LAMA2: variants seen among roughly 807,000 people sequenced by gnomAD.
LAMA2 encodes laminin subunit alpha 2, also known as laminin subunit alpha-2.
Under a neutral mutation model 364.8 loss-of-function variants are expected in LAMA2, and 269 were observed. That is an observed-to-expected ratio of 0.74 (90% CI 0.67 to 0.82). The LOEUF (loss-of-function observed/expected upper bound fraction) is 0.82, where lower values mean the gene tolerates loss of function less well. LAMA2 is among the 40% of genes least tolerant of loss of function. LAMA2 has a pLI of 0.00. For missense variants in LAMA2, 3,807 were observed against 3,873.2 expected, an observed-to-expected ratio of 0.98 and a Z score of 0.45; for synonymous variants, 1,379 against 1,370.6, an observed-to-expected ratio of 1.01 and a Z score of -0.14.
chr6:128,939,328 A>G (rs1780022404), intron 1 of LAMA2, among the ~76,000 whole-genome samples: 5 of 151,458 alleles, frequency 3.3e-5, no homozygotes, highest in Admixed American at 3.3e-4. Flanking sequence ...CCACAAGACC[A>G]AGAGTTTCCT....
intron 51 of LAMA2, among the ~76,000 whole-genome samples, chr6:129,471,522 A>G (rs896838388): frequency 2.0e-5 from 3 of 151,918 alleles, no homozygotes; most frequent in African/African-American, 7.2e-5. Flanking sequence ...GACACCATTA[A>G]AATACCCACC....
chr6:129,273,314 A>C (rs1372408199), intron 17 of LAMA2, among the ~76,000 whole-genome samples: 1 of 152,138 alleles, frequency 6.6e-6, no homozygotes, highest in Admixed American at 6.5e-5. Context: ...ATTGTTCACG[A>C]CTAACTTGCA....
rs749614184 is a variant in LAMA2, at chr6:129,205,478, G to GTATATA, written c.1782+12636_1782+12641dup. On this transcript the variant is annotated intron_variant, in intron 12 of 64. Coordinates refer to ENST00000421865, the MANE Select transcript of LAMA2 (RefSeq NM_000426.4). ...TCTCTTCTGGGAATTTATTCTGTAA[G>GTATATA]TATATATATATATATACACACACAC... Among the ~76,000 whole-genome samples, 265 of 116,342 alleles carry GTATATA rather than the reference G, an allele frequency of 2.3e-3. 6 individuals carry two copies. The highest frequency in any genetic ancestry group is 9.7e-3 in the African/African-American group (215 of 22,068). 76.3% of individuals were successfully genotyped at this position (116,342 alleles called of 152,430 possible).
At chr6:129,366,835 T>C (rs1290259422) in intron 33 of LAMA2, among the ~76,000 whole-genome samples, 1 of 152,216 alleles carries the variant, frequency 6.6e-6, no homozygotes, top group Non-Finnish European at 1.5e-5. Context: ...TCATTTCTCC[T>C]ACCTTACCAC....
Position 128,911,161 on chromosome 6 carries a change from A to C in LAMA2, c.112+27804A>C, listed in dbSNP as rs370518930. 7.9e-3 allele frequency among the ~76,000 whole-genome samples: 1,202 copies of C among 151,646 alleles called. 10 individuals carry two copies. Among genetic ancestry groups the C allele is most frequent in the African/African-American group, 0.018 (738 of 41,088 alleles). ...AGGCCTCCTTGAGCTGTGGTGGGCT[A>C]CACCCAGTTCGAGCTTCCCGGCTGC... On this transcript the variant is annotated intron_variant, in intron 1 of 64. Transcript: ENST00000421865.
intron 1 of LAMA2, among the ~76,000 whole-genome samples, chr6:128,890,401 T>C (rs929458309): frequency 6.6e-6 from 1 of 152,144 alleles, no homozygotes; most frequent in African/African-American, 2.4e-5. Flanking sequence ...GACTTTTATA[T>C]ATTTATCTTT....
At chr6:129,365,732 T>G (rs568705303) in intron 32 of LAMA2, among the ~76,000 whole-genome samples, 96 of 152,222 alleles carry the variant, frequency 6.3e-4, no homozygotes, top group Non-Finnish European at 1.1e-3. Flanking sequence ...ATATACTTTT[T>G]GAATGTGTAA....
intron 51 of LAMA2, among the ~76,000 whole-genome samples, chr6:129,471,336 GTC>G (rs1783799102): frequency 6.6e-6 from 1 of 151,924 alleles, no homozygotes; most frequent in African/African-American, 2.4e-5. Flanking sequence ...ATGCCATCCT[GTC>G]TCTCTGCCAG....
At chr6:128,963,737 A>G (rs1562875475) in intron 1 of LAMA2, among the ~76,000 whole-genome samples, 1 of 152,104 alleles carries the variant, frequency 6.6e-6, no homozygotes, top group Admixed American at 6.6e-5. Flanking sequence ...CAAAACGTCC[A>G]CAAATTACTA....
chr6:129,297,123 A>T (rs540064356), intron 20 of LAMA2, among the ~76,000 whole-genome samples: 1 of 152,198 alleles, frequency 6.6e-6, no homozygotes, highest in Non-Finnish European at 1.5e-5. Context: ...TTATTTGATC[A>T]GTGTAAGCAT....
chr6:129,198,445 T>C (rs1781978158), intron 12 of LAMA2, among the ~76,000 whole-genome samples: 1 of 152,128 alleles, frequency 6.6e-6, no homozygotes, highest in African/African-American at 2.4e-5. Flanking sequence ...TTGCAAGGCA[T>C]TGATCTTTGG....
intron 1 of LAMA2, among the ~76,000 whole-genome samples, chr6:128,933,566 G>T (rs565395751): frequency 6.6e-6 from 1 of 151,910 alleles, no homozygotes; most frequent in Non-Finnish European, 1.5e-5. Context: ...CTTTTTCTCT[G>T]TTTCCTCACC....
At chr6:129,448,026 G>T (rs1308606975) in intron 45 of LAMA2, among the ~76,000 whole-genome samples, 1 of 152,180 alleles carries the variant, frequency 6.6e-6, no homozygotes, top group African/African-American at 2.4e-5. Flanking sequence ...GGTGGCTCAA[G>T]CCTGTCATCC....
chr6:128,942,106 C>T (rs1780198211), intron 1 of LAMA2, among the ~76,000 whole-genome samples: 1 of 152,046 alleles, frequency 6.6e-6, no homozygotes, highest in Non-Finnish European at 1.5e-5. Flanking sequence ...ATAGTATGAC[C>T]TTCTCTTGAC....
intron 2 of LAMA2, among the ~76,000 whole-genome samples, chr6:129,050,562 G>T (rs908835392): frequency 6.6e-6 from 1 of 152,154 alleles, no homozygotes; most frequent in African/African-American, 2.4e-5. Flanking sequence ...GTAAGTAAAG[G>T]CTTGCCAGAA....
intron 1 of LAMA2, among the ~76,000 whole-genome samples, chr6:129,049,634 A>C (rs1007119804): frequency 3.3e-5 from 5 of 152,154 alleles, no homozygotes; most frequent in African/African-American, 1.2e-4. Flanking sequence ...TGTGTTTTAG[A>C]ATGTGTCCTA....
At chr6:129,231,865 T>C (rs748143226) in intron 12 of LAMA2, among the ~76,000 whole-genome samples, 14 of 152,120 alleles carry the variant, frequency 9.2e-5, no homozygotes, top group Non-Finnish European at 1.5e-4. Context: ...GAAGAAAATG[T>C]CCAGCTTCTG....
chr6:128,894,332 A>G (rs944647538), intron 1 of LAMA2, among the ~76,000 whole-genome samples: 4 of 152,156 alleles, frequency 2.6e-5, no homozygotes, highest in Non-Finnish European at 5.9e-5. Context: ...ATGACTATTG[A>G]TCTCACCAGA....
chr6:129,472,355 A>G (rs1783853731), intron 51 of LAMA2, among the ~76,000 whole-genome samples: 1 of 151,958 alleles, frequency 6.6e-6, no homozygotes, highest in Admixed American at 6.6e-5. Flanking sequence ...AATACGCATC[A>G]AGGATGCATA....
Sources: gnomAD v4.1 joint callset for allele counts (sites outside exome capture counted in the v4.1 genomes callset) on GRCh38, gnomAD v4.1.1 for gene constraint, MANE v1.5 for transcripts, NCBI Gene and HGNC (gene_info 2026-07-23, HGNC 2026-07-21) for gene names.